The following AKAP19 variants were observed in gnomAD, a reference collection of about 807,000 sequenced individuals.
AKAP19 encodes A-kinase anchoring protein 19.
chr2:190,125,486 T>C, the AKAP19 span, among the ~76,000 whole-genome samples: 1 of 152,190 alleles, frequency 6.6e-6, no homozygotes. Flanking sequence ...CTACAAAGTA[T>C]AGATTTTTTC....
chr2:190,180,388 C>A, the AKAP19 span: 1 of 845,568 alleles, frequency 1.2e-6, no homozygotes, highest in Non-Finnish European at 1.4e-6. This position sits in a 1 kb window ranked among gnomAD's most constrained non-coding sequence, Gnocchi z 6.8. Context: ...TGGAGGGCAG[C>A]GCCCCCTCTC....
chr2:189,896,008 CAAAAA>C, the AKAP19 span, among the ~76,000 whole-genome samples: 1 of 117,984 alleles, frequency 8.5e-6, no homozygotes. Flanking sequence ...GACCCTGTCT[CAAAAA>C]AAAAAAAAAA....
chr2:189,907,755 A>G, the AKAP19 span, among the ~76,000 whole-genome samples: 1 of 152,084 alleles, frequency 6.6e-6, no homozygotes, highest in East Asian at 1.9e-4. Context: ...TTAAGCAAAT[A>G]TTATCATATA....
chr2:190,082,585 T>C, the AKAP19 span, among the ~76,000 whole-genome samples: 1 of 152,266 alleles, frequency 6.6e-6, no homozygotes, highest in Non-Finnish European at 1.5e-5. Flanking sequence ...ATTCTATGAC[T>C]GTTTTCACGG....
the AKAP19 span, among the ~76,000 whole-genome samples, chr2:189,926,116 G>A: frequency 6.6e-6 from 1 of 152,038 alleles, no homozygotes; most frequent in African/African-American, 2.4e-5. Context: ...TTGATATTCG[G>A]TTGATCACAT....
chr2:189,938,928 C>T, the AKAP19 span, among the ~76,000 whole-genome samples: 7 of 152,164 alleles, frequency 4.6e-5, no homozygotes, highest in Admixed American at 3.9e-4. Flanking sequence ...TCCCCACAAT[C>T]GGTCCAGCAC....
At chr2:189,945,448 C>T in the AKAP19 span, among the ~76,000 whole-genome samples, 5 of 152,178 alleles carry the variant, frequency 3.3e-5, no homozygotes, top group African/African-American at 9.7e-5. Flanking sequence ...CCCTGGCTGA[C>T]AGCTTAATTA....
the AKAP19 span, among the ~76,000 whole-genome samples, chr2:189,942,004 C>T: frequency 9.2e-5 from 14 of 152,066 alleles, no homozygotes; most frequent in South Asian, 1.3e-3. Flanking sequence ...CAAAAAAGAG[C>T]AGGGGGAGCT....
the AKAP19 span, among the ~76,000 whole-genome samples, chr2:190,070,393 T>C: frequency 1.3e-5 from 2 of 152,020 alleles, no homozygotes; most frequent in African/African-American, 4.8e-5. Context: ...CAAGGAGTTA[T>C]ATCTTTGAAT....
At chr2:190,122,382 A>G in the AKAP19 span, among the ~76,000 whole-genome samples, 1 of 152,178 alleles carries the variant, frequency 6.6e-6, no homozygotes. Context: ...CTTTATCTGA[A>G]GCTTCTGCTC....
At chr2:190,180,316 C>A in the AKAP19 span, 3 of 314,722 alleles carry the variant, frequency 9.5e-6, no homozygotes, top group East Asian at 1.7e-4. The surrounding 1 kb of genome is among the most constrained non-coding windows in gnomAD (Gnocchi z 6.8). Context: ...CCCCTGCAGG[C>A]GGGCTCAGTG....
the AKAP19 span, among the ~76,000 whole-genome samples, chr2:190,107,469 T>C: frequency 6.6e-6 from 1 of 152,222 alleles, no homozygotes; most frequent in Admixed American, 6.5e-5. Context: ...GGTCTCAGCA[T>C]TTCAAGTTGG....
chr2:190,045,806 A>G, the AKAP19 span, among the ~76,000 whole-genome samples: 596 of 152,250 alleles, frequency 3.9e-3, 3 homozygotes, highest in Non-Finnish European at 6.6e-3. Flanking sequence ...CTAAACTCCC[A>G]CTTTGCCAGA....
chr2:190,076,388 G>A, the AKAP19 span, among the ~76,000 whole-genome samples: 1 of 152,102 alleles, frequency 6.6e-6, no homozygotes. Context: ...CCCCAGTGGA[G>A]AACCACTGTT....
the AKAP19 span, among the ~76,000 whole-genome samples, chr2:189,971,651 T>C: frequency 1.3e-5 from 2 of 152,156 alleles, no homozygotes; most frequent in African/African-American, 4.8e-5. Context: ...ACCTGTTGTT[T>C]CCTGACTTTT....
chr2:190,190,695 C>G, the AKAP19 span, among the ~76,000 whole-genome samples: 2 of 152,160 alleles, frequency 1.3e-5, no homozygotes, highest in Non-Finnish European at 2.9e-5. Context: ...CATGTCCTCA[C>G]CAACACTAAG....
the AKAP19 span, among the ~76,000 whole-genome samples, chr2:190,054,146 C>T: frequency 2.0e-5 from 3 of 151,838 alleles, no homozygotes; most frequent in Non-Finnish European, 2.9e-5. Flanking sequence ...AACTCTAGGA[C>T]CATATACCCT....
chr2:190,117,852 A>G, the AKAP19 span, among the ~76,000 whole-genome samples: 2 of 152,204 alleles, frequency 1.3e-5, no homozygotes, highest in Non-Finnish European at 2.9e-5. Context: ...TGCTACACTC[A>G]CTGTCTCCTT....
chr2:190,153,133 G>T, the AKAP19 span, among the ~76,000 whole-genome samples: 1 of 152,110 alleles, frequency 6.6e-6, no homozygotes, highest in Non-Finnish European at 1.5e-5. Flanking sequence ...CTGACCTTGT[G>T]ATCTGCCCAC....
Sources: gnomAD v4.1 joint callset for allele counts (sites outside exome capture counted in the v4.1 genomes callset) on GRCh38, gnomAD v4.1.1 for gene constraint, Gnocchi (gnomAD v3.1) non-coding constraint, MANE v1.5 for transcripts, NCBI Gene and HGNC (gene_info 2026-07-23, HGNC 2026-07-21) for gene names.